KANK4: variants seen among roughly 807,000 people sequenced by gnomAD.
KANK4 encodes the protein KN motif and ankyrin repeat domains 4.
KANK4 carries 50 observed loss-of-function variants against 80.8 expected under a neutral mutation model. That is an observed-to-expected ratio of 0.62 (90% CI 0.49 to 0.78). The LOEUF is 0.78. KANK4 is among the 30% of genes least tolerant of loss of function. The pLI is 0.00. For missense variants in KANK4, 1,196 were observed against 1,240.1 expected (o/e 0.96, Z 0.53); for synonymous variants, 465 against 506.9 (o/e 0.92, Z 1.11).
chr1:62,267,762 A>T (rs1364265652), intron 5 of KANK4, among the ~76,000 whole-genome samples: 1 of 149,044 alleles, frequency 6.7e-6, no homozygotes, highest in Non-Finnish European at 1.5e-5. Context: ...AGATCGTGCC[A>T]CTTCACTCCA....
intron 7 of KANK4, among the ~76,000 whole-genome samples, chr1:62,257,623 T>C (rs1259890935): frequency 1.3e-5 from 2 of 151,702 alleles, no homozygotes; most frequent in East Asian, 3.9e-4. Context: ...CAGTTTGTAA[T>C]TTTTTTTTCT....
chr1:62,296,959 G>A (rs1268763740), intron 1 of KANK4, among the ~76,000 whole-genome samples: 1 of 151,458 alleles, frequency 6.6e-6, no homozygotes, highest in African/African-American at 2.4e-5. Flanking sequence ...GCTCACGCCT[G>A]TAATCCCAGC....
rs371335445 is a variant in KANK4 at position 62,273,842 on chromosome 1, C to A, written c.1262G>T (p.Gly421Val). The change falls in exon 3 of 10, where the codon GGA (glycine) becomes GTA (valine). Residue 421 changes from glycine (G) to valine (V), a missense_variant. This residue lies in a region of KANK4 where 1,154 missense variants were observed against 1,179.6 expected (regional missense o/e 0.98). Transcript: ENST00000371153. ...DVMVNTDPVH[G>V]LLTRESCDKG... is the part of the protein sequence containing the mutation. ...ATCACACGACTCCCTGGTCAAGAGTCCATGGACAGGGTCAGTGTTCACCAT... is the reference window on the plus strand; with the variant it reads ...ATCACACGACTCCCTGGTCAAGAGTACATGGACAGGGTCAGTGTTCACCAT... The A allele has an allele frequency of 9.9e-6, 16 of 1,614,086 alleles. No individual in the cohort carries two copies. The highest frequency in any genetic ancestry group is 6.7e-5 in the African/African-American group (5 of 74,932).
At chr1:62,260,734 G>T (rs1378645999) in intron 7 of KANK4, among the ~76,000 whole-genome samples, 2 of 152,298 alleles carry the variant, frequency 1.3e-5, no homozygotes, top group Non-Finnish European at 2.9e-5. Flanking sequence ...ATCTGACACA[G>T]TTGACAATCT....
intron 1 of KANK4, among the ~76,000 whole-genome samples, chr1:62,283,218 G>A (rs1172674674): frequency 2.0e-5 from 3 of 152,156 alleles, no homozygotes; most frequent in Admixed American, 6.6e-5. Context: ...CTCCACCATC[G>A]CAGCCTCTCC....
chr1:62,311,299 A>G (rs1010634405), intron 1 of KANK4, among the ~76,000 whole-genome samples: 2 of 44,332 alleles, frequency 4.5e-5, no homozygotes, highest in African/African-American at 1.0e-4. Flanking sequence ...TCACCAATAC[A>G]ACGGGAATGA....
intron 1 of KANK4, among the ~76,000 whole-genome samples, chr1:62,305,803 A>T (rs1644446988): frequency 6.6e-6 from 1 of 152,152 alleles, no homozygotes; most frequent in African/African-American, 2.4e-5. Flanking sequence ...TTGCGCTCTG[A>T]TAACCCAGTA....
intron 2 of KANK4, among the ~76,000 whole-genome samples, chr1:62,275,841 AGAGG>A (rs776947780): frequency 3.1e-5 from 4 of 128,288 alleles, no homozygotes; most frequent in Non-Finnish European, 4.9e-5. Context: ...AAAGAGAGAG[AGAGG>A]GAGGGAGGGA....
At chr1:62,246,475 A>G (rs1671468744) in intron 9 of KANK4, among the ~76,000 whole-genome samples, 4 of 152,176 alleles carry the variant, frequency 2.6e-5, no homozygotes. Context: ...CCATGACCAG[A>G]TGAGACTCAG....
At chr1:62,318,076 TGA>T (rs1644557150) in intron 1 of KANK4, among the ~76,000 whole-genome samples, 2 of 152,192 alleles carry the variant, frequency 1.3e-5, no homozygotes, top group South Asian at 4.1e-4. Flanking sequence ...AACCTGGGCT[TGA>T]TTTACCCAAG....
At chr1:62,309,217 G>A (rs1644478737) in intron 1 of KANK4, among the ~76,000 whole-genome samples, 1 of 152,214 alleles carries the variant, frequency 6.6e-6, no homozygotes, top group African/African-American at 2.4e-5. Context: ...CATGACAGAA[G>A]GGTTGACAGA....
At chr1:62,272,452 G>A (rs1412088105) in intron 3 of KANK4, 1 of 152,460 alleles carries the variant, frequency 6.6e-6, no homozygotes, top group Non-Finnish European at 1.5e-5. Flanking sequence ...GAGGAACACA[G>A]GAATGCAAAA....
chr1:62,259,732 CATTATTATATAA>C lies in KANK4; in HGVS notation c.2539+3348_2539+3359del, dbSNP rs1671834170. On this transcript the variant is annotated intron_variant, in intron 7 of 9. Coordinates refer to ENST00000371153, the MANE Select transcript of KANK4 (RefSeq NM_181712.5). ...TATTATTAAATGAAATAATTATATTCATTATTATATAAATTATAATTATAAAGACAATATAAT... is the reference window on the plus strand; with the variant it reads ...TATTATTAAATGAAATAATTATATTCATTATAATTATAAAGACAATATAAT... 2.7e-5 allele frequency among the ~76,000 whole-genome samples: 4 copies of C among 147,754 alleles called. No homozygotes were observed. In the South Asian group the frequency reaches 8.5e-4, roughly 31 times the overall value.
chr1:62,237,243 G>A lies in KANK4; in HGVS notation c.*1034C>T, dbSNP rs1000969179. On this transcript the variant is annotated 3_prime_UTR_variant, in exon 10 of 10. Transcript: ENST00000371153. Reference sequence around the variant, plus strand: ...AAACCTTGCATGTGCTGGCCCCAGGGAATATGGAAGCTTCGGAAGGTATTG... The same window carrying A: ...AAACCTTGCATGTGCTGGCCCCAGGAAATATGGAAGCTTCGGAAGGTATTG... 9.2e-5 allele frequency: 14 copies of A among 151,848 alleles called. No homozygotes were observed. Among genetic ancestry groups the A allele is most frequent in the African/African-American group, 3.4e-4 (14 of 41,306 alleles). 9.4% of individuals were successfully genotyped at this position (151,848 alleles called of 1,614,324 possible).
chr1:62,307,054 C>A (rs1289667762), intron 1 of KANK4, among the ~76,000 whole-genome samples: 1 of 152,162 alleles, frequency 6.6e-6, no homozygotes, highest in Non-Finnish European at 1.5e-5. Context: ...CAGCTGAAAG[C>A]AAACAGGCCT....
chr1:62,247,020 C>G (rs1382444968), intron 9 of KANK4, among the ~76,000 whole-genome samples: 1 of 151,850 alleles, frequency 6.6e-6, no homozygotes, highest in East Asian at 1.9e-4. Flanking sequence ...CTCAGCCTCC[C>G]AAAGTGCTGG....
At chr1:62,302,109 G>A (rs902811896) in intron 1 of KANK4, among the ~76,000 whole-genome samples, 2 of 152,044 alleles carry the variant, frequency 1.3e-5, no homozygotes, top group African/African-American at 4.8e-5. Flanking sequence ...TGTGAGGCTC[G>A]GGCTTAGTTT....
At position 62,236,237 on chromosome 1, in the gene KANK4, C is replaced by T. The variant is rs1671197528; in HGVS notation, c.*2040G>A. 6.6e-6 allele frequency among the ~76,000 whole-genome samples: 1 copy of T among 152,136 alleles called. No homozygotes were observed. On this transcript the variant is annotated 3_prime_UTR_variant, in exon 10 of 10. Coordinates refer to ENST00000371153, the MANE Select transcript of KANK4 (RefSeq NM_181712.5). ...CTTGCTACTCAAAGTGTGGTTGTGG[C>T]TCGATAGCATCAGCATCTCCCAGGA...
intron 1 of KANK4, among the ~76,000 whole-genome samples, chr1:62,316,109 G>C (rs1107694): frequency 0.2 from 30,367 of 152,236 alleles, 3,113 homozygotes; most frequent in Non-Finnish European, 0.22. Flanking sequence ...CCTTTGACAA[G>C]GTCAATAGCT....
Sources: allele counts gnomAD v4.1 joint callset (sites outside exome capture counted in the v4.1 genomes callset), GRCh38; gene constraint gnomAD v4.1.1; regional missense constraint gnomAD v4.1.1; transcripts MANE v1.5; gene names NCBI Gene and HGNC (gene_info 2026-07-23, HGNC 2026-07-21).